The following DRD2 variants were observed in gnomAD, a reference collection of about 807,000 sequenced individuals.
The protein encoded by DRD2 is D(2) dopamine receptor.
Under a neutral mutation model 38.0 loss-of-function variants are expected in DRD2, and 8 were observed. That is an observed-to-expected ratio of 0.21 (90% CI 0.12 to 0.38). The LOEUF is 0.38. Among genes scored for constraint, DRD2 ranks in the 10% least tolerant of loss-of-function variants. The pLI, the probability that DRD2 is intolerant of heterozygous loss-of-function variation, is 1.00. For synonymous variants in DRD2, 230 were observed against 238.6 expected, an observed-to-expected ratio of 0.96 and a Z score of 0.33; for missense variants, 403 against 607.7, an observed-to-expected ratio of 0.66 and a Z score of 3.54.
chr11:113,463,233 C>A (rs1020219022), intron 1 of DRD2, among the ~76,000 whole-genome samples: 1 of 152,162 alleles, frequency 6.6e-6, no homozygotes, highest in Non-Finnish European at 1.5e-5. Context: ...CAATTTTGAA[C>A]CCAGAAATGA....
chr11:113,468,802 C>T (rs1171771144), intron 1 of DRD2, among the ~76,000 whole-genome samples: 1 of 152,142 alleles, frequency 6.6e-6, no homozygotes, highest in Non-Finnish European at 1.5e-5. Flanking sequence ...CCCACCTCAG[C>T]CTCCCAAAGG....
At chr11:113,455,008 T>C (rs1490260787) in intron 1 of DRD2, among the ~76,000 whole-genome samples, 2 of 152,124 alleles carry the variant, frequency 1.3e-5, no homozygotes, top group Non-Finnish European at 2.9e-5. Flanking sequence ...AATGTAACAC[T>C]TGAAACTGTA....
chr11:113,453,067 T>C (rs1441730755), intron 1 of DRD2, among the ~76,000 whole-genome samples: 1 of 152,152 alleles, frequency 6.6e-6, no homozygotes, highest in Non-Finnish European at 1.5e-5. Context: ...GTTAGCTGAG[T>C]GACTTTGGGC....
chr11:113,428,251 G>A (rs1369192275), intron 1 of DRD2, among the ~76,000 whole-genome samples: 1 of 152,176 alleles, frequency 6.6e-6, no homozygotes, highest in Non-Finnish European at 1.5e-5. Flanking sequence ...AAAGAAGTGA[G>A]GAAGCAGGAC....
At chr11:113,430,900 A>C (rs1464198613) in intron 1 of DRD2, among the ~76,000 whole-genome samples, 1 of 152,154 alleles carries the variant, frequency 6.6e-6, no homozygotes, top group African/African-American at 2.4e-5. Context: ...TAAAATGGAG[A>C]TTGGCTAAAT....
At chr11:113,416,644 C>G (rs368819380) in intron 4 of DRD2, among the ~76,000 whole-genome samples, 5 of 152,222 alleles carry the variant, frequency 3.3e-5, no homozygotes, top group Admixed American at 2.6e-4. Context: ...CATCCAACTC[C>G]GTTGTGTCCT....
At chr11:113,453,991 C>G (rs984504177) in intron 1 of DRD2, among the ~76,000 whole-genome samples, 1 of 152,104 alleles carries the variant, frequency 6.6e-6, no homozygotes, top group Non-Finnish European at 1.5e-5. Context: ...TAACAGAGAA[C>G]CTGGCACATC....
intron 1 of DRD2, among the ~76,000 whole-genome samples, chr11:113,461,728 G>A (rs74355206): frequency 0.064 from 9,771 of 152,190 alleles, 355 homozygotes; most frequent in East Asian, 0.17. Context: ...TGGTGTATAG[G>A]AGGCATTTAA....
chr11:113,447,435 G>A (rs1317609373), intron 1 of DRD2: 1 of 144,092 alleles, frequency 6.9e-6, no homozygotes, highest in African/African-American at 2.6e-5. Context: ...TCAAAACAAG[G>A]AAACTTTGAC....
At chr11:113,422,521 A>C (rs1950895593) in intron 2 of DRD2, among the ~76,000 whole-genome samples, 1 of 152,200 alleles carries the variant, frequency 6.6e-6, no homozygotes, top group Non-Finnish European at 1.5e-5. Flanking sequence ...AGAATTAAGA[A>C]GGCATGGACA....
intron 1 of DRD2, chr11:113,447,480 A>G (rs1365298110): frequency 6.6e-6 from 1 of 151,936 alleles, no homozygotes; most frequent in Non-Finnish European, 1.5e-5. Flanking sequence ...CTCTGAAAAA[A>G]AAAAAAAAAG....
chr11:113,473,350 C>T (rs1389815220), intron 1 of DRD2, among the ~76,000 whole-genome samples: 1 of 152,144 alleles, frequency 6.6e-6, no homozygotes, highest in African/African-American at 2.4e-5. Flanking sequence ...ATTTCCTGGG[C>T]CTCCGCTTGA....
chr11:113,460,553 C>T (rs918963108), intron 1 of DRD2, among the ~76,000 whole-genome samples: 3 of 152,260 alleles, frequency 2.0e-5, no homozygotes, highest in Non-Finnish European at 4.4e-5. Flanking sequence ...TGCCTGGGGG[C>T]CCTCTGCCCT....
At chr11:113,455,776 A>G (rs1157177719) in intron 1 of DRD2, among the ~76,000 whole-genome samples, 1 of 152,272 alleles carries the variant, frequency 6.6e-6, no homozygotes, top group Non-Finnish European at 1.5e-5. Context: ...TATCAAAAAT[A>G]TGGTAGACCA....
Position 113,412,810 on chromosome 11 carries a change from T to A in DRD2, c.884A>T (p.Tyr295Phe), listed in dbSNP as rs199926793. The A allele has an allele frequency of 6.2e-7, 1 of 1,613,676 alleles. No individual in the cohort carries two copies. Among genetic ancestry groups the A allele is most frequent in the African/African-American group, 1.3e-5 (1 of 75,008 alleles). The change falls in exon 7 of 8, where the codon TAC (tyrosine) becomes TTC (phenylalanine). Residue 295 changes from tyrosine to phenylalanine, a missense_variant. Physicochemically the swap from Tyr to Phe is conservative, Grantham distance 22 (BLOSUM62 3). This residue lies in a region of DRD2 where 166 missense variants were observed against 178.6 expected (regional missense o/e 0.93). Transcript: ENST00000362072. ...SSTSPPERTRYSPIPPSHHQL... is the reference protein window; with the variant it reads ...SSTSPPERTRFSPIPPSHHQL... ...GTGGTGGCTGGGTGGGATGGGGCTG[T>A]ACCGGGTCCTCTCGGGTGGGCTGGT...
intron 1 of DRD2, among the ~76,000 whole-genome samples, chr11:113,472,923 G>A (rs1483448282): frequency 2.0e-5 from 3 of 152,114 alleles, no homozygotes; most frequent in Admixed American, 2.0e-4. Flanking sequence ...AGATCCTGGG[G>A]GAGAGGAGAT....
rs560953578 is a variant in DRD2 at position 113,439,567 on chromosome 11, T to C, written c.-31-14885A>G. On this transcript the variant is annotated intron_variant, in intron 1 of 7. Coordinates refer to ENST00000362072, the MANE Select transcript of DRD2 (RefSeq NM_000795.4). Reference sequence around the variant, plus strand: ...AAAAAACTAAGACCAGGGCTGGGCATGGTAGCTCACACCTGTAATCCCAGC... The same window carrying C: ...AAAAAACTAAGACCAGGGCTGGGCACGGTAGCTCACACCTGTAATCCCAGC... Among the ~76,000 whole-genome samples the C allele has an allele frequency of 6.6e-5, 10 of 152,116 alleles. No individual in the cohort carries two copies. The East Asian group carries it at 1.7e-3, about 26-fold the overall frequency.
intron 1 of DRD2, among the ~76,000 whole-genome samples, chr11:113,471,059 C>G (rs559192842): frequency 3.3e-5 from 5 of 152,354 alleles, no homozygotes; most frequent in African/African-American, 9.6e-5. Flanking sequence ...GCAAATTTCT[C>G]TCCTTTCTCT....
chr11:113,459,983 C>T (rs1433014058), intron 1 of DRD2, among the ~76,000 whole-genome samples: 1 of 152,174 alleles, frequency 6.6e-6, no homozygotes, highest in East Asian at 1.9e-4. Flanking sequence ...CAGTGGGCCC[C>T]AAGGAATAGT....
Sources: gnomAD v4.1 joint callset for allele counts (sites outside exome capture counted in the v4.1 genomes callset) on GRCh38, gnomAD v4.1.1 for gene constraint, gnomAD v4.1.1 regional missense constraint, MANE v1.5 for transcripts, NCBI Gene and HGNC (gene_info 2026-07-23, HGNC 2026-07-21) for gene names.